FHIT: variants seen among roughly 807,000 people sequenced by gnomAD.
FHIT encodes bis(5'-adenosyl)-triphosphatase.
FHIT carries 19 observed loss-of-function variants against 17.9 expected under a neutral mutation model. The ratio of observed to expected loss-of-function variants is 1.06; its 90% CI spans 0.74 to 1.56. The LOEUF is 1.56. FHIT is among the 40% of genes most tolerant of loss of function. FHIT has a pLI of 0.00. For missense variants in FHIT, 248 were observed against 189.2 expected, an observed-to-expected ratio of 1.31 and a Z score of -1.82; for synonymous variants, 81 against 69.7, an observed-to-expected ratio of 1.16 and a Z score of -0.81.
intron 8 of FHIT, among the ~76,000 whole-genome samples, chr3:59,900,208 C>T (rs1460259791): frequency 1.3e-5 from 2 of 152,184 alleles, no homozygotes; most frequent in African/African-American, 4.8e-5. Context: ...ACTTAAGCAA[C>T]AGACTTTCTT....
At chr3:60,661,989 T>C (rs2040258501) in intron 4 of FHIT, among the ~76,000 whole-genome samples, 1 of 152,208 alleles carries the variant, frequency 6.6e-6, no homozygotes, top group African/African-American at 2.4e-5. Context: ...GAAGATTTTC[T>C]CCCACTCTGT....
chr3:60,335,886 A>G (rs1210842765), intron 5 of FHIT, among the ~76,000 whole-genome samples: 6 of 152,186 alleles, frequency 3.9e-5, no homozygotes, highest in African/African-American at 1.4e-4. Flanking sequence ...ACTAAGAAAA[A>G]TTTTTAAAAA....
intron 7 of FHIT, among the ~76,000 whole-genome samples, chr3:59,995,665 C>A (rs1394131877): frequency 6.6e-6 from 1 of 152,132 alleles, no homozygotes; most frequent in East Asian, 1.9e-4. Context: ...AGGCACCATG[C>A]TTTGGAGAAA....
intron 8 of FHIT, among the ~76,000 whole-genome samples, chr3:59,784,887 G>A (rs543443055): frequency 7.9e-5 from 12 of 152,160 alleles, no homozygotes; most frequent in Non-Finnish European, 1.6e-4. Flanking sequence ...AGAAATACCT[G>A]AGACAGGGTA....
intron 4 of FHIT, among the ~76,000 whole-genome samples, chr3:60,632,680 G>A (rs2039477134): frequency 6.6e-6 from 1 of 152,074 alleles, no homozygotes; most frequent in Non-Finnish European, 1.5e-5. Context: ...CAAAAATCAT[G>A]GGAAGGACAT....
rs1035920085 is a variant in FHIT at position 60,164,494 on chromosome 3, C to G, written c.104-150342G>C. Reference sequence around the variant, plus strand: ...TGGATATTAGAAAATAATGTAACCTCAACTGACAAGTTTATTAAGACACAG... The same window carrying G: ...TGGATATTAGAAAATAATGTAACCTGAACTGACAAGTTTATTAAGACACAG... On this transcript the variant is annotated intron_variant, in intron 5 of 9. Coordinates refer to ENST00000492590, the MANE Select transcript of FHIT (RefSeq NM_002012.4). Among the ~76,000 whole-genome samples the G allele has an allele frequency of 2.6e-5, 4 of 152,148 alleles. 1 individual carries two copies. Among genetic ancestry groups the G allele is most frequent in the African/African-American group, 9.7e-5 (4 of 41,440 alleles).
chr3:61,199,712 T>C (rs1167327393), intron 2 of FHIT, among the ~76,000 whole-genome samples: 3 of 152,068 alleles, frequency 2.0e-5, no homozygotes, highest in Non-Finnish European at 4.4e-5. Context: ...TTTTCAACTT[T>C]AACTAAAGTG....
chr3:61,000,803 C>T (rs1343938240), intron 3 of FHIT, among the ~76,000 whole-genome samples: 3 of 152,256 alleles, frequency 2.0e-5, no homozygotes, highest in Non-Finnish European at 4.4e-5. Context: ...GGTCAAATGA[C>T]CAGTAAAGAA....
chr3:61,098,450 T>A (rs1436853109), intron 2 of FHIT, among the ~76,000 whole-genome samples: 1 of 152,204 alleles, frequency 6.6e-6, no homozygotes, highest in Non-Finnish European at 1.5e-5. Flanking sequence ...TGCTTCCATA[T>A]GAATTTTAAA....
intron 5 of FHIT, among the ~76,000 whole-genome samples, chr3:60,519,142 T>C (rs1297859341): frequency 6.6e-6 from 1 of 152,158 alleles, no homozygotes; most frequent in Non-Finnish European, 1.5e-5. Flanking sequence ...AGGAATAAAC[T>C]GCAGTTTTGG....
Position 60,014,127 on chromosome 3 carries a change from T to A in FHIT, c.129A>T (p.Pro43=). 1 of 1,614,070 alleles carries A rather than the reference T, an allele frequency of 6.2e-7. No homozygotes were observed. The highest frequency in any genetic ancestry group is 8.5e-7 in the Non-Finnish European group (1 of 1,179,978). The change falls in exon 6 of 10, where the codon CCA becomes CCT. Residue 43 remains proline (P), a synonymous_variant. Coordinates refer to ENST00000492590, the MANE Select transcript of FHIT (RefSeq NM_002012.4). ...GACGCAGGTCATGGAAGCGCTCCAC[T>A]GGCCGCAGCGGGCACACAAGGACAT... The part of the protein sequence containing the change: ...PGHVLVCPLR[P]VERFHDLRPD...
At chr3:60,000,175 G>C (rs183503827) in intron 7 of FHIT, among the ~76,000 whole-genome samples, 1 of 152,116 alleles carries the variant, frequency 6.6e-6, no homozygotes, top group East Asian at 1.9e-4. Flanking sequence ...ATGGGACTCC[G>C]ATCCTTTAGA....
rs1553714657 is a variant in FHIT at position 60,744,245 on chromosome 3, G to GT, written c.-18+77673dup. ...CTCTCCTTTGCAAATTGGAAGTAAT[G>GT]TAAAAAAAAAAACAAAACAAAACAA... On this transcript the variant is annotated intron_variant, in intron 4 of 9. Transcript: ENST00000492590. 1.5e-4 allele frequency among the ~76,000 whole-genome samples: 5 copies of GT among 34,412 alleles called. No individual in the cohort carries two copies. In the South Asian group the frequency reaches 6.7e-3, roughly 46 times the overall value. The allele number at this position is 34,412 out of a possible 152,430, so 22.6% of individuals were successfully genotyped here.
intron 2 of FHIT, among the ~76,000 whole-genome samples, chr3:61,123,125 G>T (rs1379943420): frequency 6.6e-6 from 1 of 152,148 alleles, no homozygotes; most frequent in Admixed American, 6.5e-5. Flanking sequence ...TGATAGACTG[G>T]ATAAAGAAAA....
chr3:60,763,093 G>A (rs1434725536), intron 4 of FHIT, among the ~76,000 whole-genome samples: 2 of 152,084 alleles, frequency 1.3e-5, no homozygotes, highest in African/African-American at 4.8e-5. Flanking sequence ...CTGTGTAGGT[G>A]TCTGTGACCC....
At chr3:61,172,737 G>C (rs1330646470) in intron 2 of FHIT, among the ~76,000 whole-genome samples, 1 of 123,378 alleles carries the variant, frequency 8.1e-6, no homozygotes, top group Non-Finnish European at 1.9e-5. Flanking sequence ...ACTGACACTG[G>C]AGCTTAAATC....
At chr3:60,724,851 G>C (rs1331048523) in intron 4 of FHIT, among the ~76,000 whole-genome samples, 2 of 152,004 alleles carry the variant, frequency 1.3e-5, no homozygotes, top group African/African-American at 2.4e-5. Flanking sequence ...GTTTCACCAT[G>C]TTGGCCAGGC....
intron 8 of FHIT, among the ~76,000 whole-genome samples, chr3:59,893,893 T>A (rs904476410): frequency 6.6e-6 from 1 of 152,210 alleles, no homozygotes; most frequent in African/African-American, 2.4e-5. Context: ...GTAGCTCTTG[T>A]TGAGGAGTCC....
chr3:60,171,824 G>A (rs1365152392), intron 5 of FHIT, among the ~76,000 whole-genome samples: 2 of 151,884 alleles, frequency 1.3e-5, no homozygotes, highest in African/African-American at 4.8e-5. Flanking sequence ...TCTTGCCTCA[G>A]CCTCCCAAAT....
Sources: gnomAD v4.1 joint callset for allele counts (sites outside exome capture counted in the v4.1 genomes callset) on GRCh38, gnomAD v4.1.1 for gene constraint, MANE v1.5 for transcripts, NCBI Gene and HGNC (gene_info 2026-07-23, HGNC 2026-07-21) for gene names.